The following NDUFS1 variants were observed in gnomAD, a reference collection of about 807,000 sequenced individuals.
NDUFS1 encodes the protein NADH-ubiquinone oxidoreductase 75 kDa subunit, mitochondrial.
Under a neutral mutation model 84.4 loss-of-function variants are expected in NDUFS1, and 61 were observed. The ratio of observed to expected loss-of-function variants is 0.72; its 90% CI spans 0.59 to 0.89. The LOEUF (loss-of-function observed/expected upper bound fraction) is 0.89, where lower values mean the gene tolerates loss of function less well. NDUFS1 is among the 40% of genes least tolerant of loss of function. The pLI, the probability that NDUFS1 is intolerant of heterozygous loss-of-function variation, is 0.00. For synonymous variants in NDUFS1, 275 were observed against 290.0 expected, an observed-to-expected ratio of 0.95 and a Z score of 0.53; for missense variants, 891 against 890.0, an observed-to-expected ratio of 1.00 and a Z score of -0.01.
Position 206,153,735 on chromosome 2 carries a change from CTGTT to C in NDUFS1, c.-4-57_-4-54del. The C allele has an allele frequency of 4.1e-6, 4 of 965,314 alleles. No homozygotes were observed. The South Asian group carries it at 5.7e-5, about 14-fold the overall frequency. The allele number at this position is 965,314 out of a possible 1,614,324, so 59.8% of individuals were successfully genotyped here. ...TTGTAGGGAAAAAAACAATCACCAA[CTGTT>C]TGGTAATGTTTTATGGCTTTAAATT... On this transcript the variant is annotated intron_variant, in intron 1 of 18. Coordinates refer to ENST00000233190, the MANE Select transcript of NDUFS1 (RefSeq NM_005006.7).
chr2:206,152,304 T>TGCTGTGTATAGTTCC (rs1313046031), intron 3 of NDUFS1, 115 bp downstream of exon 3: 97 of 777,362 alleles, frequency 1.2e-4, no homozygotes, highest in Non-Finnish European at 2.0e-4. Context: ...AATATAACTT[T>TGCTGTGTATAGTTCC]GCTGTGTATA....
rs1254734818 is a variant in NDUFS1 at position 206,119,429 on chromosome 2, A to T, written c.*4756T>A. ...TATTTTTTAATTTTTACTTTTTTTC[A>T]GACAGAGTCTCACTCTGTCACCCAG... On this transcript the variant is annotated 3_prime_UTR_variant, in exon 19 of 19. Transcript: ENST00000233190. 1 of 152,182 alleles carries T rather than the reference A, an allele frequency of 6.6e-6. No individual in the cohort carries two copies. Among genetic ancestry groups the T allele is most frequent in the Non-Finnish European group, 1.5e-5 (1 of 68,040 alleles). 9.4% of individuals were successfully genotyped at this position (152,182 alleles called of 1,614,324 possible). A position where few individuals can be genotyped will look rare whatever the true frequency, so the allele number is the denominator to read the frequency against.
At chr2:206,142,152 A>T (rs1444275528) in intron 11 of NDUFS1, 83 bp from the exon 12 acceptor site, 1 of 1,243,310 alleles carries the variant, frequency 8.0e-7, no homozygotes, top group South Asian at 1.3e-5. Flanking sequence ...CTATCATCAA[A>T]CCCATTGCCT....
intron 7 of NDUFS1, 28 bp downstream of exon 7, chr2:206,147,503 T>G: frequency 6.3e-7 from 1 of 1,594,076 alleles, no homozygotes; most frequent in Non-Finnish European, 8.6e-7. Context: ...TTATATTCTA[T>G]AATAGAAAAA....
chr2:206,158,441 C>T (rs1009870274), intron 1 of NDUFS1, among the ~76,000 whole-genome samples: 2 of 152,174 alleles, frequency 1.3e-5, no homozygotes, highest in African/African-American at 4.8e-5. Flanking sequence ...TTACGATTCC[C>T]CCAGCATATC....
At position 206,136,438 on chromosome 2, in the gene NDUFS1, GT is replaced by G. The variant is rs59751619; in HGVS notation, c.1392+2046del. 3.6e-3 allele frequency among the ~76,000 whole-genome samples: 450 copies of G among 125,948 alleles called. 3 individuals carry two copies. The highest frequency in any genetic ancestry group is 0.013 in the African/African-American group (422 of 33,646). 82.6% of individuals were successfully genotyped at this position (125,948 alleles called of 152,430 possible). Reference sequence around the variant, plus strand: ...GTTTTTAGTTGTTGGTTTTTTTTTTGTTTTTTTTTTTTTGAGATGGAGTCTC... The same window carrying G: ...GTTTTTAGTTGTTGGTTTTTTTTTTGTTTTTTTTTTTTGAGATGGAGTCTC... On this transcript the variant is annotated intron_variant, in intron 13 of 18. Coordinates refer to ENST00000233190, the MANE Select transcript of NDUFS1 (RefSeq NM_005006.7).
In NDUFS1 at chr2:206,140,926, A is replaced by G. The variant is rs950764932; in HGVS notation, c.1262+1015T>C. ...ACACACATATATATGTAGTGTGTAT[A>G]TATATATATATATATATACACACAC... On this transcript the variant is annotated intron_variant, in intron 12 of 18. Transcript: ENST00000233190. Among the ~76,000 whole-genome samples the G allele has an allele frequency of 9.9e-5, 12 of 120,986 alleles. No individual in the cohort carries two copies. The East Asian group carries it at 1.8e-3, about 18-fold the overall frequency. 79.4% of individuals were successfully genotyped at this position (120,986 alleles called of 152,430 possible).
chr2:206,121,930 T>C lies in NDUFS1; in HGVS notation c.*2255A>G, dbSNP rs1691107810. ...TAACAGTATTATATAAAATACAAAA[T>C]TGGGACTATGTCCCCTCAAGATGAG... On this transcript the variant is annotated 3_prime_UTR_variant, in exon 19 of 19. Transcript: ENST00000233190. The C allele has an allele frequency of 6.6e-6, 1 of 152,174 alleles. No individual in the cohort carries two copies. The highest frequency in any genetic ancestry group is 1.5e-5 in the Non-Finnish European group (1 of 68,038). The allele number at this position is 152,174 out of a possible 1,614,324, so 9.4% of individuals were successfully genotyped here.
intron 14 of NDUFS1, 21 bp from the exon 15 acceptor site, chr2:206,130,263 T>C (rs1415045441): frequency 1.9e-6 from 3 of 1,613,866 alleles, no homozygotes; most frequent in Non-Finnish European, 2.5e-6. Context: ...ATTATGGAAT[T>C]TTACCATAAC....
At chr2:206,155,638 G>C (rs1196465786) in intron 1 of NDUFS1, among the ~76,000 whole-genome samples, 1 of 151,014 alleles carries the variant, frequency 6.6e-6, no homozygotes, top group Admixed American at 6.6e-5. Flanking sequence ...AGGTGGTCCT[G>C]AAGTCCTGAT....
intron 12 of NDUFS1, among the ~76,000 whole-genome samples, chr2:206,141,308 G>A (rs1165089718): frequency 2.0e-5 from 3 of 151,858 alleles, no homozygotes; most frequent in Non-Finnish European, 4.4e-5. Flanking sequence ...ACTTTGGGAG[G>A]CTGAGGCGGG....
At chr2:206,152,326 GAATT>G (rs1319983623) in intron 3 of NDUFS1, 89 bp downstream of exon 3, 5 of 940,080 alleles carry the variant, frequency 5.3e-6, no homozygotes, top group East Asian at 5.3e-5. Flanking sequence ...TTATTTTAAA[GAATT>G]ATTTACTAAT....
At chr2:206,142,341 T>C (rs1168544074) in intron 11 of NDUFS1, among the ~76,000 whole-genome samples, 6 of 152,170 alleles carry the variant, frequency 3.9e-5, no homozygotes, top group Non-Finnish European at 7.3e-5. Context: ...GCCTCCCAAG[T>C]AGCTGGAATT....
Position 206,130,160 on chromosome 2 carries a change from A to G in NDUFS1, c.1636T>C (p.Phe546Leu). ...CAACCTCCATCTGCTCCCAGGAGAA[A>G]CAGCACCTTGGGAGGGTTCTTCCGA... The part of the protein sequence containing the change: ...AIRKNPPKVL[F>L]LLGADGGCIT... The change falls in exon 15 of 19, where the codon TTT (phenylalanine) becomes CTT (leucine). Residue 546 changes from phenylalanine to leucine, a missense_variant. Transcript: ENST00000233190. 1 of 1,614,156 alleles carries G rather than the reference A, an allele frequency of 6.2e-7. No individual in the cohort carries two copies. Among genetic ancestry groups the G allele is most frequent in the South Asian group, 1.1e-5 (1 of 91,090 alleles).
intron 1 of NDUFS1, chr2:206,159,017 G>A: frequency 6.8e-7 from 1 of 1,463,344 alleles, no homozygotes; most frequent in Non-Finnish European, 9.2e-7. Flanking sequence ...TCCTCTCCCG[G>A]GGAATAAAAC....
intron 4 of NDUFS1, 113 bp from the exon 5 acceptor site, chr2:206,149,209 A>T (rs1692277200): frequency 1.2e-6 from 1 of 814,704 alleles, no homozygotes; most frequent in South Asian, 1.7e-5. Flanking sequence ...ACATTTGATA[A>T]CAGGCAAAGA....
At chr2:206,131,006 G>A (rs1394160822) in intron 14 of NDUFS1, among the ~76,000 whole-genome samples, 1 of 152,094 alleles carries the variant, frequency 6.6e-6, no homozygotes, top group Non-Finnish European at 1.5e-5. Flanking sequence ...TTTTTTCTAC[G>A]AATATATATT....
chr2:206,159,188 G>T (rs1687808710), intron 1 of NDUFS1, 153 bp downstream of exon 1: 5 of 1,523,774 alleles, frequency 3.3e-6, no homozygotes, highest in Non-Finnish European at 4.4e-6. Flanking sequence ...CCCATCTGCC[G>T]GCTCTCAGGG....
At position 206,133,173 on chromosome 2, in the gene NDUFS1, G is replaced by A; in HGVS notation, c.1393-68C>T. ...GTAAGCTGAACACCAAACCATATTT[G>A]CCTCTATAATATAGGTTGTCCCAAG... On this transcript the variant is annotated intron_variant, in intron 13 of 18. Coordinates refer to ENST00000233190, the MANE Select transcript of NDUFS1 (RefSeq NM_005006.7). 6.0e-6 allele frequency: 8 copies of A among 1,340,294 alleles called. No individual in the cohort carries two copies. In the South Asian group the frequency reaches 6.6e-5, roughly 11 times the overall value. The allele number at this position is 1,340,294 out of a possible 1,614,324, so 83.0% of individuals were successfully genotyped here.
Sources: gnomAD v4.1 joint callset for allele counts (sites outside exome capture counted in the v4.1 genomes callset) on GRCh38, gnomAD v4.1.1 for gene constraint, MANE v1.5 for transcripts, NCBI Gene and HGNC (gene_info 2026-07-23, HGNC 2026-07-21) for gene names.